ARIH2: variants seen among roughly 807,000 people sequenced by gnomAD.
The protein encoded by ARIH2 is E3 ubiquitin-protein ligase ARIH2.
ARIH2 carries 12 observed loss-of-function variants against 79.8 expected under a neutral mutation model. That is an observed-to-expected ratio of 0.15 (90% confidence interval 0.10 to 0.24). The LOEUF is 0.24. Among genes scored for constraint, ARIH2 ranks in the 10% least tolerant of loss-of-function variants. ARIH2 has a pLI of 1.00. For synonymous variants in ARIH2, 224 were observed against 213.9 expected (o/e 1.05, Z -0.41); for missense variants, 301 against 618.3 (o/e 0.49, Z 5.44).
intron 3 of ARIH2, among the ~76,000 whole-genome samples, chr3:48,960,696 A>G (rs1314803005): frequency 6.6e-6 from 1 of 151,712 alleles, no homozygotes; most frequent in East Asian, 1.9e-4. Context: ...CCTGGGAGAC[A>G]GAGGTTGCAG....
In ARIH2 at chr3:48,985,711, G is replaced by A. The variant is rs1253283648; in HGVS notation, c.*2441G>A. Reference sequence around the variant, plus strand: ...TGTTTTCCCTTTCTGGCTGTTGGGGGAGAGGGCACCTGTAAGTGATCCCTG... The same window carrying A: ...TGTTTTCCCTTTCTGGCTGTTGGGGAAGAGGGCACCTGTAAGTGATCCCTG... On this transcript the variant is annotated 3_prime_UTR_variant, in exon 16 of 16. Transcript: ENST00000356401. 6.6e-6 allele frequency: 1 copy of A among 152,204 alleles called. No individual in the cohort carries two copies. Among genetic ancestry groups the A allele is most frequent in the Non-Finnish European group, 1.5e-5 (1 of 68,060 alleles). The allele number at this position is 152,204 out of a possible 1,614,324, so 9.4% of individuals were successfully genotyped here. A position where few individuals can be genotyped will look rare whatever the true frequency, so the allele number is the denominator to read the frequency against.
chr3:48,928,612 T>C (rs1387277908), intron 3 of ARIH2, among the ~76,000 whole-genome samples: 1 of 152,148 alleles, frequency 6.6e-6, no homozygotes, highest in African/African-American at 2.4e-5. Context: ...AAATTGGAGG[T>C]CAAAAGGGCA....
chr3:48,957,693 T>C (rs1044717170), intron 3 of ARIH2, among the ~76,000 whole-genome samples: 2 of 152,106 alleles, frequency 1.3e-5, no homozygotes, highest in Non-Finnish European at 2.9e-5. Context: ...ACAGTATCAC[T>C]TCATTGTTTT....
At chr3:48,926,862 T>C (rs768215082) in intron 2 of ARIH2, 2 of 152,498 alleles carry the variant, frequency 1.3e-5, no homozygotes, top group Non-Finnish European at 2.9e-5. Context: ...TAGAACTCTT[T>C]AAACCTGAAA....
intron 3 of ARIH2, among the ~76,000 whole-genome samples, chr3:48,954,458 T>C (rs1014802576): frequency 3.3e-5 from 5 of 152,090 alleles, no homozygotes; most frequent in African/African-American, 1.2e-4. Flanking sequence ...AAAGTTTTTT[T>C]CTACGTATAG....
chr3:48,960,079 G>A (rs917667530), intron 3 of ARIH2, among the ~76,000 whole-genome samples: 2 of 152,150 alleles, frequency 1.3e-5, no homozygotes. Context: ...CTCTCTAGCC[G>A]TAAATATGTT....
chr3:48,967,187 C>T lies in ARIH2; in HGVS notation c.450C>T (p.Asn150=). 1 of 1,614,220 alleles carries T rather than the reference C, an allele frequency of 6.2e-7. No homozygotes were observed. The highest frequency in any genetic ancestry group is 8.5e-7 in the Non-Finnish European group (1 of 1,180,046). Residue 150 remains asparagine, a synonymous_variant, in exon 6 of 16, where the codon AAC becomes AAT. Coordinates refer to ENST00000356401, the MANE Select transcript of ARIH2 (RefSeq NM_006321.4). ...AVCMQFVRKE[N]LLSLACQHQF... Reference sequence around the variant, plus strand: ...GTATGCAGTTTGTGCGAAAGGAAAACCTACTCTCTCTGGCCTGTCAGCACC... The same window carrying T: ...GTATGCAGTTTGTGCGAAAGGAAAATCTACTCTCTCTGGCCTGTCAGCACC...
At chr3:48,963,576 A>G (rs889329652) in intron 4 of ARIH2, among the ~76,000 whole-genome samples, 6 of 152,092 alleles carry the variant, frequency 3.9e-5, no homozygotes, top group Non-Finnish European at 8.8e-5. Context: ...ATTGTAGGTA[A>G]CTCTTACTGT....
chr3:48,947,828 T>C (rs1418431398), intron 3 of ARIH2, among the ~76,000 whole-genome samples: 1 of 152,260 alleles, frequency 6.6e-6, no homozygotes, highest in African/African-American at 2.4e-5. Context: ...GATTATATAA[T>C]TGCTAATCTG....
chr3:48,954,424 G>A (rs1048407803), intron 3 of ARIH2, among the ~76,000 whole-genome samples: 5 of 151,388 alleles, frequency 3.3e-5, no homozygotes, highest in Non-Finnish European at 7.4e-5. Context: ...GCAACAGAGT[G>A]AGACTCTGTC....
intron 14 of ARIH2, among the ~76,000 whole-genome samples, chr3:48,982,328 C>T (rs1258338212): frequency 6.6e-6 from 1 of 152,060 alleles, no homozygotes; most frequent in African/African-American, 2.4e-5. Flanking sequence ...ATTTACCTGC[C>T]TGGTAAATAC....
At chr3:48,932,495 G>C (rs1177038108) in intron 3 of ARIH2, among the ~76,000 whole-genome samples, 1 of 152,142 alleles carries the variant, frequency 6.6e-6, no homozygotes. Context: ...GTAACCATAA[G>C]CATTTTTATT....
intron 3 of ARIH2, among the ~76,000 whole-genome samples, chr3:48,930,558 G>A (rs996362146): frequency 1.3e-5 from 2 of 152,138 alleles, no homozygotes; most frequent in Non-Finnish European, 2.9e-5. Context: ...CTGGCCTCAA[G>A]CCATCTTCCC....
chr3:48,967,630 T>C (rs1269511013), intron 6 of ARIH2, among the ~76,000 whole-genome samples: 2 of 152,152 alleles, frequency 1.3e-5, no homozygotes, highest in Non-Finnish European at 2.9e-5. Context: ...ATAGCACAAA[T>C]CAAATTTGAT....
chr3:48,941,124 A>G lies in ARIH2; in HGVS notation c.255+13311A>G, dbSNP rs532301865. 1.1e-4 allele frequency among the ~76,000 whole-genome samples: 16 copies of G among 150,662 alleles called. 1 individual carries two copies. The highest frequency in any genetic ancestry group is 3.2e-4 in the African/African-American group (13 of 41,050). ...GAGGCAGAGCTTGCAGTGAGCAGAG[A>G]TCGTGCCACTGCACTCCAGCCTGGG... On this transcript the variant is annotated intron_variant, in intron 3 of 15. Transcript: ENST00000356401.
intron 3 of ARIH2, among the ~76,000 whole-genome samples, chr3:48,949,478 G>A (rs2089675344): frequency 6.6e-6 from 1 of 152,180 alleles, no homozygotes; most frequent in South Asian, 2.1e-4. Context: ...CTAGCATTAT[G>A]TAAGGGTTCC....
chr3:48,960,078 C>T (rs1051989039), intron 3 of ARIH2, among the ~76,000 whole-genome samples: 7 of 152,266 alleles, frequency 4.6e-5, no homozygotes, highest in Non-Finnish European at 7.4e-5. Flanking sequence ...TCTCTCTAGC[C>T]GTAAATATGT....
Position 48,980,428 on chromosome 3 carries a change from G to T in ARIH2, c.1189G>T (p.Val397Phe). ...QRIHEKIQER[V>F]MNNLGTWIDW... ...GATTCACGAGAAGATTCAGGAGAGG[G>T]TCATGAACAATCTGGGGACATGGAT... is the stretch of plus-strand genomic sequence containing the variant. Residue 397 changes from valine to phenylalanine, a missense_variant, in exon 13 of 16, where the codon GTC (valine) becomes TTC (phenylalanine). By Grantham distance (50) the Val-to-Phe change is conservative. Around this residue, in one of 2 missense-constraint regions of ARIH2, gnomAD observed 78 missense variants for 268.9 expected, o/e 0.29. Transcript: ENST00000356401. 1.9e-6 allele frequency: 3 copies of T among 1,614,136 alleles called. No homozygotes were observed. The highest frequency in any genetic ancestry group is 2.5e-6 in the Non-Finnish European group (3 of 1,180,018).
intron 3 of ARIH2, among the ~76,000 whole-genome samples, chr3:48,955,635 G>A (rs2090486583): frequency 6.6e-6 from 1 of 152,218 alleles, no homozygotes; most frequent in Non-Finnish European, 1.5e-5. Flanking sequence ...AAGCATTAAA[G>A]ACTAATGGTG....
Sources: allele counts gnomAD v4.1 joint callset (sites outside exome capture counted in the v4.1 genomes callset), GRCh38; gene constraint gnomAD v4.1.1; regional missense constraint gnomAD v4.1.1; transcripts MANE v1.5; gene names NCBI Gene and HGNC (gene_info 2026-07-23, HGNC 2026-07-21).